Variants in ENOPH1 observed in about 807,000 individuals in gnomAD.
ENOPH1 encodes enolase-phosphatase E1.
ENOPH1 carries 14 observed loss-of-function variants against 31.1 expected under a neutral mutation model. The ratio of observed to expected loss-of-function variants is 0.45; its 90% CI spans 0.30 to 0.70. The LOEUF is 0.70. Ranked by LOEUF, ENOPH1 falls within the 30% of genes least tolerant of loss-of-function variation. The probability of loss-of-function intolerance (pLI) is 0.09; values close to 1 mark genes in which losing one functional copy is unlikely to be tolerated. For synonymous variants in ENOPH1, 127 were observed against 123.2 expected (o/e 1.03, Z -0.21); for missense variants, 243 against 321.5 (o/e 0.76, Z 1.87).
intron 1 of ENOPH1, among the ~76,000 whole-genome samples, chr4:82,437,801 C>G (rs1197613353): frequency 6.6e-6 from 1 of 152,210 alleles, no homozygotes; most frequent in African/African-American, 2.4e-5. Context: ...GCTTACACAT[C>G]AGGCATGCTG....
chr4:82,451,180 T>C lies in ENOPH1; in HGVS notation c.324T>C (p.Thr108=). Residue 108 remains threonine, a synonymous_variant, in exon 3 of 6, where the codon ACT becomes ACC. Coordinates refer to ENST00000273920, the MANE Select transcript of ENOPH1 (RefSeq NM_021204.5). ...CWQMSLDRKT[T]ALKQLQGHMW... ...AGATGTCCCTGGATCGAAAGACCAC[T>C]GCACTCAAACAGCTGCAGGGCCACA... The C allele has an allele frequency of 6.2e-7, 1 of 1,614,224 alleles. No individual in the cohort carries two copies. The highest frequency in any genetic ancestry group is 8.5e-7 in the Non-Finnish European group (1 of 1,180,042).
chr4:82,448,059 G>A (rs745459615), intron 2 of ENOPH1, 38 bp downstream of exon 2: 4 of 1,403,278 alleles, frequency 2.9e-6, no homozygotes, highest in African/African-American at 2.9e-5. Flanking sequence ...AAGTGTCTTA[G>A]AAATGAGGGT....
At chr4:82,455,041 A>G (rs928852016) in intron 4 of ENOPH1, among the ~76,000 whole-genome samples, 187 bp downstream of exon 4, 1 of 152,160 alleles carries the variant, frequency 6.6e-6, no homozygotes, top group African/African-American at 2.4e-5. Flanking sequence ...GTTGTTATAT[A>G]AAGTTTATTC....
intron 3 of ENOPH1, among the ~76,000 whole-genome samples, chr4:82,454,122 G>A (rs901607269): frequency 2.5e-4 from 38 of 152,042 alleles, no homozygotes; most frequent in Middle Eastern, 3.4e-3. Context: ...GCTGAGGTGG[G>A]AGGATCACTC....
chr4:82,451,141 T>G lies in ENOPH1; in HGVS notation c.285T>G (p.Asp95Glu). 6.2e-7 allele frequency: 1 copy of G among 1,614,200 alleles called. No individual in the cohort carries two copies. Among genetic ancestry groups the G allele is most frequent in the South Asian group, 1.1e-5 (1 of 91,090 alleles). ...DLQQMIQAVV[D>E]NVCWQMSLDR... ...AACAGATGATCCAGGCCGTGGTAGA[T>G]AATGTGTGCTGGCAGATGTCCCTGG... The change falls in exon 3 of 6, where the codon GAT (aspartate) becomes GAG (glutamate). Residue 95 changes from aspartate (D) to glutamate (E), a missense_variant. By Grantham distance (45) the Asp-to-Glu change is conservative. Coordinates refer to ENST00000273920, the MANE Select transcript of ENOPH1 (RefSeq NM_021204.5).
At chr4:82,449,936 T>A (rs1292112909) in intron 2 of ENOPH1, among the ~76,000 whole-genome samples, 4 of 152,208 alleles carry the variant, frequency 2.6e-5, no homozygotes, top group African/African-American at 9.7e-5. Flanking sequence ...TGTCTTTTCC[T>A]TCCACATTGT....
intron 1 of ENOPH1, among the ~76,000 whole-genome samples, chr4:82,445,331 G>A (rs904521802): frequency 3.3e-5 from 5 of 152,152 alleles, no homozygotes; most frequent in African/African-American, 4.8e-5. Flanking sequence ...TTCTCAATAA[G>A]TATGTTGAAA....
intron 1 of ENOPH1, among the ~76,000 whole-genome samples, chr4:82,438,094 A>C (rs1721953747): frequency 6.6e-6 from 1 of 152,234 alleles, no homozygotes; most frequent in Non-Finnish European, 1.5e-5. Context: ...AAAAAGTGAA[A>C]TATGTTATTT....
intron 1 of ENOPH1, among the ~76,000 whole-genome samples, chr4:82,431,915 CTT>C (rs35670686): frequency 3.5e-5 from 5 of 143,346 alleles, no homozygotes; most frequent in Admixed American, 7.0e-5. Flanking sequence ...GTGAATAAGG[CTT>C]TTTTTTTTTT....
chr4:82,452,023 T>C (rs531408542), intron 3 of ENOPH1, among the ~76,000 whole-genome samples: 1 of 152,232 alleles, frequency 6.6e-6, no homozygotes. Context: ...TTGAGCGATC[T>C]GCCTGCCTTG....
In ENOPH1 at chr4:82,451,032, C is replaced by G. The variant is rs755245363; in HGVS notation, c.187-11C>G. 1.9e-6 allele frequency: 3 copies of G among 1,608,642 alleles called. No homozygotes were observed. The South Asian group carries it at 3.3e-5, about 18-fold the overall frequency. ...GCAAAAAACAAACATCATGTTGTTT[C>G]TGACTTAAAGGCTGAAGAGGACGCC... On this transcript the variant is annotated splice_polypyrimidine_tract_variant and intron_variant, in intron 2 of 5. Transcript: ENST00000273920.
At position 82,460,972 on chromosome 4, in the gene ENOPH1, C is replaced by A. The variant is rs1722631574; in HGVS notation, c.*852C>A. The A allele has an allele frequency of 6.6e-6, 1 of 152,136 alleles. No homozygotes were observed. The highest frequency in any genetic ancestry group is 6.5e-5 in the Admixed American group (1 of 15,278). The allele number at this position is 152,136 out of a possible 1,614,324, so 9.4% of individuals were successfully genotyped here. A position where few individuals can be genotyped will look rare whatever the true frequency, so the allele number is the denominator to read the frequency against. On this transcript the variant is annotated 3_prime_UTR_variant, in exon 6 of 6. Coordinates refer to ENST00000273920, the MANE Select transcript of ENOPH1 (RefSeq NM_021204.5). Reference sequence around the variant, plus strand: ...ATGAGCCCTAATATGTAAGATTTTCCTCTGGAATGGATGTGAGAAATGTAA... The same window carrying A: ...ATGAGCCCTAATATGTAAGATTTTCATCTGGAATGGATGTGAGAAATGTAA...
chr4:82,430,683 C>A lies in ENOPH1; in HGVS notation c.-147C>A, dbSNP rs772091066. 8.3e-5 allele frequency: 55 copies of A among 665,238 alleles called. No homozygotes were observed. The highest frequency in any genetic ancestry group is 1.3e-4 in the Non-Finnish European group (52 of 387,396). 41.2% of individuals were successfully genotyped at this position (665,238 alleles called of 1,614,324 possible). A position where few individuals can be genotyped will look rare whatever the true frequency, so the allele number is the denominator to read the frequency against. ...GGTGTGCAGAAGTGTCCTCTCCCCACGCGCGGCGGGCTGCACTTGGTCGCT... is the reference window on the plus strand; with the variant it reads ...GGTGTGCAGAAGTGTCCTCTCCCCAAGCGCGGCGGGCTGCACTTGGTCGCT... On this transcript the variant is annotated 5_prime_UTR_variant, in exon 1 of 6. Transcript: ENST00000273920.
chr4:82,431,329 C>A (rs1721752666), intron 1 of ENOPH1, among the ~76,000 whole-genome samples: 1 of 152,246 alleles, frequency 6.6e-6, no homozygotes. Flanking sequence ...TTAAAGCTTC[C>A]GATCTCAAAA....
At position 82,460,961 on chromosome 4, in the gene ENOPH1, G is replaced by A. The variant is rs1722631334; in HGVS notation, c.*841G>A. On this transcript the variant is annotated 3_prime_UTR_variant, in exon 6 of 6. Transcript: ENST00000273920. ...ATAACATTAAGATGAGCCCTAATATGTAAGATTTTCCTCTGGAATGGATGT... is the reference window on the plus strand; with the variant it reads ...ATAACATTAAGATGAGCCCTAATATATAAGATTTTCCTCTGGAATGGATGT... 6.6e-6 allele frequency: 1 copy of A among 152,174 alleles called. No homozygotes were observed. Among genetic ancestry groups the A allele is most frequent in the Non-Finnish European group, 1.5e-5 (1 of 68,006 alleles). 9.4% of individuals were successfully genotyped at this position (152,174 alleles called of 1,614,324 possible).
chr4:82,438,966 G>T (rs1262144447), intron 1 of ENOPH1, among the ~76,000 whole-genome samples: 1 of 152,138 alleles, frequency 6.6e-6, no homozygotes, highest in Non-Finnish European at 1.5e-5. Context: ...AACTGGTTTT[G>T]TTGGAGGTGC....
At chr4:82,454,617 TA>T (rs1722435377) in intron 3 of ENOPH1, 104 bp from the exon 4 acceptor site, 3 of 1,292,534 alleles carry the variant, frequency 2.3e-6, no homozygotes, top group Non-Finnish European at 3.2e-6. Flanking sequence ...CTTCTCAGGT[TA>T]CCATGTGGGC....
At chr4:82,437,321 C>A (rs918381547) in intron 1 of ENOPH1, among the ~76,000 whole-genome samples, 1 of 152,180 alleles carries the variant, frequency 6.6e-6, no homozygotes, top group African/African-American at 2.4e-5. Context: ...AAGACAGTTA[C>A]ATAAATAGGT....
chr4:82,435,836 A>G (rs76654221), intron 1 of ENOPH1, among the ~76,000 whole-genome samples: 6,075 of 152,266 alleles, frequency 0.04, 411 homozygotes, highest in African/African-American at 0.14. Flanking sequence ...CTCTTTCCCT[A>G]TCTTCATTCA....
Sources: allele counts gnomAD v4.1 joint callset (sites outside exome capture counted in the v4.1 genomes callset), GRCh38; gene constraint gnomAD v4.1.1; transcripts MANE v1.5; gene names NCBI Gene and HGNC (gene_info 2026-07-23, HGNC 2026-07-21).